CNKSR2: variants seen among roughly 807,000 people sequenced by gnomAD.
CNKSR2 encodes the protein CNK homolog protein 2.
Under a neutral mutation model 84.4 loss-of-function variants are expected in CNKSR2, and 14 were observed. That is an observed-to-expected ratio of 0.17 (90% CI 0.11 to 0.26). CNKSR2 has a LOEUF of 0.26. Among genes scored for constraint, CNKSR2 ranks in the 10% least tolerant of loss-of-function variants. The pLI is 1.00. For missense variants in CNKSR2, 485 were observed against 771.2 expected (o/e 0.63, Z 4.40); for synonymous variants, 275 against 277.9 (o/e 0.99, Z 0.10).
At chrX:21,426,779 C>T (rs953249716) in intron 2 of CNKSR2, 119 bp downstream of exon 2, 4 of 769,061 alleles carry the variant, frequency 5.2e-6, no homozygotes, top group Non-Finnish European at 7.4e-6. Context: ...AACTCTGATT[C>T]TCAACCAGCT....
At chrX:21,639,145 CAAAG>C (rs1442747414) in intron 20 of CNKSR2, among the ~76,000 whole-genome samples, 2 of 111,750 alleles carry the variant, frequency 1.8e-5, no homozygotes, top group South Asian at 3.7e-4. Context: ...GAATTGAACA[CAAAG>C]AAAGAGAAAG....
chrX:21,647,538 T>A (rs1330768349), intron 20 of CNKSR2, among the ~76,000 whole-genome samples: 3 of 112,101 alleles, frequency 2.7e-5, no homozygotes, highest in Non-Finnish European at 5.6e-5. Context: ...CTTGTTAAAA[T>A]CGTGGATTCT....
chrX:21,584,856 A>G (rs2092375846), intron 13 of CNKSR2, among the ~76,000 whole-genome samples: 1 of 111,299 alleles, frequency 9.0e-6, no homozygotes, highest in African/African-American at 3.3e-5. Flanking sequence ...GCATTTATTC[A>G]GAGGGACATG....
chrX:21,376,160 CTT>C (rs2089812336), intron 1 of CNKSR2, among the ~76,000 whole-genome samples: 2 of 112,568 alleles, frequency 1.8e-5, no homozygotes, highest in South Asian at 7.4e-4. Context: ...AACAGTCAGA[CTT>C]TCTAAGCTCC....
At chrX:21,562,206 A>G (rs1489879879) in intron 12 of CNKSR2, among the ~76,000 whole-genome samples, 2 of 111,013 alleles carry the variant, frequency 1.8e-5, no homozygotes, top group South Asian at 3.8e-4. Flanking sequence ...ATAGGATTTG[A>G]TCAAGTGTGG....
intron 20 of CNKSR2, chrX:21,642,598 G>A: frequency 1.3e-6 from 1 of 743,476 alleles, no homozygotes; most frequent in African/African-American, 2.3e-5. Context: ...TTCATACTGT[G>A]CAATGAACAG....
At chrX:21,620,058 T>C (rs2092595122) in intron 20 of CNKSR2, among the ~76,000 whole-genome samples, 1 of 111,415 alleles carries the variant, frequency 9.0e-6, no homozygotes, top group African/African-American at 3.3e-5. Context: ...GATGTGCTTT[T>C]ATTGACTTAA....
chrX:21,432,846 T>C, intron 3 of CNKSR2, 32 bp downstream of exon 3: 1 of 1,178,748 alleles, frequency 8.5e-7, no homozygotes, highest in Non-Finnish European at 1.2e-6. Context: ...ATAAGTATCC[T>C]CTCCTCAGAC....
chrX:21,412,651 A>G (rs754883285), intron 1 of CNKSR2, among the ~76,000 whole-genome samples: 4 of 111,430 alleles, frequency 3.6e-5, no homozygotes, highest in Non-Finnish European at 5.7e-5. Context: ...AGAAAATTGT[A>G]TATCTATTAG....
At chrX:21,598,788 G>T (rs1029936563) in intron 17 of CNKSR2, among the ~76,000 whole-genome samples, 1 of 112,525 alleles carries the variant, frequency 8.9e-6, no homozygotes, top group Non-Finnish European at 1.9e-5. Context: ...AATCATGAAG[G>T]CAGGCACTTT....
chrX:21,512,394 G>T (rs1054171442), intron 8 of CNKSR2, among the ~76,000 whole-genome samples: 6 of 111,868 alleles, frequency 5.4e-5, no homozygotes, highest in Admixed American at 1.9e-4. Flanking sequence ...GCTAAAGTTT[G>T]AGAACCACAT....
chrX:21,399,116 G>A (rs1046954859), intron 1 of CNKSR2, among the ~76,000 whole-genome samples: 1 of 110,791 alleles, frequency 9.0e-6, no homozygotes, highest in Non-Finnish European at 1.9e-5. Flanking sequence ...ATACAGACCA[G>A]TAATACAATA....
chrX:21,568,930 C>T (rs2092262777), intron 13 of CNKSR2, among the ~76,000 whole-genome samples: 1 of 111,370 alleles, frequency 9.0e-6, no homozygotes, highest in South Asian at 3.8e-4. Flanking sequence ...GTGGCAACCA[C>T]GTGTAAAGCC....
chrX:21,512,260 G>C lies in CNKSR2; in HGVS notation c.811-4225G>C, dbSNP rs572997138. Among the ~76,000 whole-genome samples, 9 of 111,520 alleles carry C rather than the reference G, an allele frequency of 8.1e-5. No homozygotes were observed. In the South Asian group the frequency reaches 3.4e-3, roughly 42 times the overall value. On this transcript the variant is annotated intron_variant, in intron 8 of 21. Transcript: ENST00000379510. ...TAATATCAGCCTCACTTGGAAACTT[G>C]TATTAGGAAATAAAGGGTCGGGGGA... is the stretch of plus-strand genomic sequence containing the variant.
At chrX:21,515,212 T>C (rs1219787863) in intron 8 of CNKSR2, among the ~76,000 whole-genome samples, 1 of 111,468 alleles carries the variant, frequency 9.0e-6, no homozygotes, top group Non-Finnish European at 1.9e-5. Flanking sequence ...GATGAATGCT[T>C]ATTAAATATA....
intron 11 of CNKSR2, among the ~76,000 whole-genome samples, chrX:21,552,796 A>G: frequency 8.9e-6 from 1 of 112,236 alleles, no homozygotes; most frequent in Non-Finnish European, 1.9e-5. Flanking sequence ...AATTACTACT[A>G]TCACTGCAAA....
intron 1 of CNKSR2, chrX:21,423,572 T>A (rs771888652): frequency 8.9e-6 from 1 of 112,145 alleles, no homozygotes; most frequent in African/African-American, 3.2e-5. Flanking sequence ...TGAAAACAAA[T>A]CATATGCTAC....
At position 21,507,320 on chromosome X, in the gene CNKSR2, C is replaced by T. The variant is rs2091623178; in HGVS notation, c.810+5732C>T. ...TACATTTCCTCTCACACTGTCCCTT[C>T]TGCATCTTATTATCCTAATAGTGGA... On this transcript the variant is annotated intron_variant, in intron 8 of 21. Transcript: ENST00000379510. 2.7e-5 allele frequency among the ~76,000 whole-genome samples: 3 copies of T among 111,188 alleles called. No individual in the cohort carries two copies. In the South Asian group the frequency reaches 1.1e-3, roughly 42 times the overall value.
At chrX:21,404,261 G>A (rs775140476) in intron 1 of CNKSR2, among the ~76,000 whole-genome samples, 98 of 111,328 alleles carry the variant, frequency 8.8e-4, no homozygotes, top group African/African-American at 3.1e-3. Context: ...TCAGAAGCTA[G>A]GGTTTATGTG....
Sources: gnomAD v4.1 joint callset for allele counts (sites outside exome capture counted in the v4.1 genomes callset) on GRCh38, gnomAD v4.1.1 for gene constraint, MANE v1.5 for transcripts, NCBI Gene and HGNC (gene_info 2026-07-23, HGNC 2026-07-21) for gene names.